WNT2B: variants seen among roughly 807,000 people sequenced by gnomAD.
WNT2B encodes the protein Wnt family member 2B.
A neutral mutation model predicts 40.5 loss-of-function variants in WNT2B; 19 were observed. The observed-to-expected ratio is 0.47, with a 90% CI of 0.33 to 0.69. The LOEUF (loss-of-function observed/expected upper bound fraction) is 0.69, where lower values mean the gene tolerates loss of function less well. Ranked by LOEUF, WNT2B falls within the 30% of genes least tolerant of loss-of-function variation. WNT2B has a pLI of 0.02. For missense variants in WNT2B, 467 were observed against 556.4 expected (o/e 0.84, Z 1.62); for synonymous variants, 220 against 211.9 (o/e 1.04, Z -0.33).
At chr1:112,480,948 C>T (rs1234828779) in intron 1 of WNT2B, among the ~76,000 whole-genome samples, 2 of 152,112 alleles carry the variant, frequency 1.3e-5, no homozygotes, top group African/African-American at 2.4e-5. Flanking sequence ...GTGGATGGAT[C>T]ACCTGAGGTC....
In WNT2B at chr1:112,509,526, GACCAGGC is replaced by G; in HGVS notation, c.182+83_182+89del. ...GCCTGGAGGGACTGGCTGCTCACGGGACCAGGCTGTTGCTTCGACGGGTTGGAGACGA... is the reference window on the plus strand; with the variant it reads ...GCCTGGAGGGACTGGCTGCTCACGGGTGTTGCTTCGACGGGTTGGAGACGA... On this transcript the variant is annotated intron_variant, in intron 1 of 4. Coordinates refer to ENST00000369684, the MANE Select transcript of WNT2B (RefSeq NM_024494.3). The surrounding 1 kb of genome is among the most constrained non-coding windows in gnomAD (Gnocchi z 4.2). 3 of 1,442,434 alleles carry G rather than the reference GACCAGGC, an allele frequency of 2.1e-6. No individual in the cohort carries two copies. Among genetic ancestry groups the G allele is most frequent in the Non-Finnish European group, 2.7e-6 (3 of 1,099,136 alleles). 89.4% of individuals were successfully genotyped at this position (1,442,434 alleles called of 1,614,324 possible). A position where few individuals can be genotyped will look rare whatever the true frequency, so the allele number is the denominator to read the frequency against.
At chr1:112,511,529 ACT>A (rs1471849771) in intron 1 of WNT2B, among the ~76,000 whole-genome samples, 1 of 152,100 alleles carries the variant, frequency 6.6e-6, no homozygotes, top group Non-Finnish European at 1.5e-5. Flanking sequence ...ATGCCTGTTG[ACT>A]CTGGTGTGTC....
At chr1:112,510,690 C>T (rs1055556963) in intron 1 of WNT2B, among the ~76,000 whole-genome samples, 3 of 151,464 alleles carry the variant, frequency 2.0e-5, no homozygotes, top group Non-Finnish European at 4.4e-5. Flanking sequence ...TCAGAAAAAT[C>T]TCTTTTGAAT....
At chr1:112,511,150 C>A (rs574017333) in intron 1 of WNT2B, among the ~76,000 whole-genome samples, 1 of 152,236 alleles carries the variant, frequency 6.6e-6, no homozygotes, top group South Asian at 2.1e-4. Context: ...CTCTTGACTA[C>A]TCCCTCTCCC....
At chr1:112,470,274 C>T (rs192046855) in intron 1 of WNT2B, among the ~76,000 whole-genome samples, 362 of 152,184 alleles carry the variant, frequency 2.4e-3, no homozygotes, top group African/African-American at 8.3e-3. Flanking sequence ...AAAGTTTTTT[C>T]CTTCAGCACT....
intron 1 of WNT2B, among the ~76,000 whole-genome samples, chr1:112,471,366 C>T (rs1056338992): frequency 1.3e-5 from 2 of 152,216 alleles, no homozygotes; most frequent in African/African-American, 4.8e-5. Context: ...CACCGCCAAC[C>T]TTGGCTGAGT....
intron 1 of WNT2B, among the ~76,000 whole-genome samples, chr1:112,486,152 C>CACACACACACACACACACACACACACAT (rs1364972062): frequency 8.6e-4 from 130 of 151,756 alleles, no homozygotes; most frequent in African/African-American, 2.9e-3. Flanking sequence ...CACACACACA[C>CACACACACACACACACACACACACACAT]ACACACCAGG....
In WNT2B at chr1:112,529,678, T is replaced by A. The variant is rs893691109; in HGVS notation, c.*9169T>A. 38 of 148,392 alleles carry A rather than the reference T, an allele frequency of 2.6e-4. No individual in the cohort carries two copies. Among genetic ancestry groups the A allele is most frequent in the Middle Eastern group, 3.4e-3 (1 of 292 alleles). The allele number at this position is 148,392 out of a possible 1,614,324, so 9.2% of individuals were successfully genotyped here. A position where few individuals can be genotyped will look rare whatever the true frequency, so the allele number is the denominator to read the frequency against. ...AATGTTATTGCTCAAAATGCAATTT[T>A]AAAAAATTCAATATGGAACTTGAGG... On this transcript the variant is annotated 3_prime_UTR_variant, in exon 5 of 5. Coordinates refer to ENST00000369684, the MANE Select transcript of WNT2B (RefSeq NM_024494.3).
At chr1:112,499,239 C>T (rs1290335290) in intron 1 of WNT2B, among the ~76,000 whole-genome samples, 1 of 148,698 alleles carries the variant, frequency 6.7e-6, no homozygotes, top group Non-Finnish European at 1.5e-5. Context: ...CCACTAAGAC[C>T]AAAACAATGC....
intron 1 of WNT2B, among the ~76,000 whole-genome samples, chr1:112,471,100 G>T (rs559636179): frequency 6.6e-6 from 1 of 152,272 alleles, no homozygotes; most frequent in East Asian, 1.9e-4. Context: ...TCTGAAATGT[G>T]GACATAGGAG....
intron 1 of WNT2B, among the ~76,000 whole-genome samples, chr1:112,489,161 A>G (rs751307117): frequency 3.8e-4 from 58 of 152,142 alleles, no homozygotes; most frequent in Middle Eastern, 3.2e-3. Context: ...TGTGGTGGCT[A>G]TCACTACAGA....
At chr1:112,499,589 C>T (rs2101072379) in intron 1 of WNT2B, among the ~76,000 whole-genome samples, 1 of 152,100 alleles carries the variant, frequency 6.6e-6, no homozygotes, top group East Asian at 1.9e-4. Context: ...ACAACAAAAC[C>T]CCACACCCAT....
At chr1:112,500,223 C>T (rs1651906646) in intron 1 of WNT2B, among the ~76,000 whole-genome samples, 1 of 152,068 alleles carries the variant, frequency 6.6e-6, no homozygotes, top group Non-Finnish European at 1.5e-5. Context: ...ATGGAGCTTT[C>T]CAGAGGCTAC....
At position 112,467,653 on chromosome 1, in the gene WNT2B, G is replaced by A. The variant is rs2780270; in HGVS notation, c.-95+62G>A. ...TACCTAATTTTCTCCTTTTCTTCTC[G>A]ATACATAATACTTTACATATTTATG... is the stretch of plus-strand genomic sequence containing the variant. On this transcript the variant is annotated intron_variant, in intron 1 of 4. Coordinates refer to the WNT2B transcript ENST00000256640. 1.2e-4 allele frequency: 87 copies of A among 748,804 alleles called. No homozygotes were observed. The African/African-American group carries it at 1.2e-3, about 10-fold the overall frequency. 46.4% of individuals were successfully genotyped at this position (748,804 alleles called of 1,614,324 possible). A position where few individuals can be genotyped will look rare whatever the true frequency, so the allele number is the denominator to read the frequency against.
chr1:112,502,375 G>A (rs1651987778), intron 1 of WNT2B, among the ~76,000 whole-genome samples: 1 of 152,254 alleles, frequency 6.6e-6, no homozygotes. Flanking sequence ...GCGCCGGGCA[G>A]ATCCTTTCCT....
intron 1 of WNT2B, among the ~76,000 whole-genome samples, chr1:112,476,697 ATTGACCACT>A (rs547902950): frequency 1.3e-5 from 2 of 152,190 alleles, no homozygotes; most frequent in Non-Finnish European, 2.9e-5. Context: ...CAATGCAAAC[ATTGACCACT>A]TTTACCACTG....
intron 1 of WNT2B, among the ~76,000 whole-genome samples, chr1:112,513,287 T>TA (rs1263832501): frequency 6.6e-6 from 1 of 152,176 alleles, no homozygotes; most frequent in African/African-American, 2.4e-5. Flanking sequence ...CAGGCAGCCT[T>TA]TCCGGCCTGG....
At chr1:112,494,365 C>A (rs57870882) in intron 1 of WNT2B, among the ~76,000 whole-genome samples, 1 of 151,014 alleles carries the variant, frequency 6.6e-6, no homozygotes, top group Admixed American at 6.6e-5. Context: ...AAGAAGAAAG[C>A]GGAGAAAAAT....
chr1:112,511,649 A>C (rs1652354903), intron 1 of WNT2B, among the ~76,000 whole-genome samples: 1 of 152,098 alleles, frequency 6.6e-6, no homozygotes, highest in African/African-American at 2.4e-5. Flanking sequence ...CCCTCCCTCT[A>C]TCTATCCTAA....
Sources: allele counts gnomAD v4.1 joint callset (sites outside exome capture counted in the v4.1 genomes callset), GRCh38; gene constraint gnomAD v4.1.1; non-coding constraint Gnocchi (gnomAD v3.1); transcripts MANE v1.5; gene names NCBI Gene and HGNC (gene_info 2026-07-23, HGNC 2026-07-21).